PBX2: variants seen among roughly 807,000 people sequenced by gnomAD.
The protein encoded by PBX2 is pre-B-cell leukemia transcription factor 2.
PBX2 carries 10 observed loss-of-function variants against 46.5 expected under a neutral mutation model. That is an observed-to-expected ratio of 0.21 (90% confidence interval 0.13 to 0.36). The LOEUF (loss-of-function observed/expected upper bound fraction) is 0.36. Ranked by LOEUF, PBX2 falls within the 10% of genes least tolerant of loss-of-function variation. PBX2 has a pLI of 1.00. For synonymous variants in PBX2, 160 were observed against 222.5 expected (o/e 0.72, Z 2.50); for missense variants, 392 against 580.5 (o/e 0.68, Z 3.34).
rs755425237 is a variant in PBX2, at chr6:32,188,165, G to C, written c.544-9C>G. ...GTGAACTCATTACATGCCTGTAGTGGGGGCCAGTGGGCTGGTGAGGAGGAG... is the reference window on the plus strand; with the variant it reads ...GTGAACTCATTACATGCCTGTAGTGCGGGCCAGTGGGCTGGTGAGGAGGAG... On this transcript the variant is annotated splice_polypyrimidine_tract_variant and intron_variant, in intron 3 of 8. Coordinates refer to ENST00000375050, the MANE Select transcript of PBX2 (RefSeq NM_002586.5). The surrounding 1 kb of genome is among the most constrained non-coding windows in gnomAD (Gnocchi z 6.5). The C allele has an allele frequency of 7.5e-6, 12 of 1,596,848 alleles. No individual in the cohort carries two copies. The highest frequency in any genetic ancestry group is 9.4e-6 in the Non-Finnish European group (11 of 1,169,294).
Position 32,187,055 on chromosome 6 carries a change from C to T in PBX2, c.1025-154G>A. Reference sequence around the variant, plus strand: ...AAAGAGCAGGCTGTTCCTTGGCCACCCGTGGGAAGAAAGGCAGAACTAAGA... The same window carrying T: ...AAAGAGCAGGCTGTTCCTTGGCCACTCGTGGGAAGAAAGGCAGAACTAAGA... On this transcript the variant is annotated intron_variant, in intron 6 of 8. Transcript: ENST00000375050. This position sits in a 1 kb window ranked among gnomAD's most constrained non-coding sequence, Gnocchi z 7.7. The T allele has an allele frequency of 2.0e-6, 2 of 1,024,656 alleles. No individual in the cohort carries two copies. The highest frequency in any genetic ancestry group is 2.9e-6 in the Non-Finnish European group (2 of 695,370). The allele number at this position is 1,024,656 out of a possible 1,614,324, so 63.5% of individuals were successfully genotyped here.
Position 32,190,020 on chromosome 6 carries a change from C to G in PBX2, c.-105G>C, listed in dbSNP as rs1382904820. On this transcript the variant is annotated 5_prime_UTR_variant, in exon 1 of 9. Coordinates refer to ENST00000375050, the MANE Select transcript of PBX2 (RefSeq NM_002586.5). Reference sequence around the variant, plus strand: ...GGCCGCTGCTCCCTCCGCCCCAACCCCCGCCCGTCTGCCCCCGGCTCCCGG... The same window carrying G: ...GGCCGCTGCTCCCTCCGCCCCAACCGCCGCCCGTCTGCCCCCGGCTCCCGG... 2 of 533,816 alleles carry G rather than the reference C, an allele frequency of 3.7e-6. No individual in the cohort carries two copies. Among genetic ancestry groups the G allele is most frequent in the African/African-American group, 4.0e-5 (2 of 49,694 alleles). 33.1% of individuals were successfully genotyped at this position (533,816 alleles called of 1,614,324 possible). A position where few individuals can be genotyped will look rare whatever the true frequency, so the allele number is the denominator to read the frequency against.
Position 32,188,862 on chromosome 6 carries a change from G to C in PBX2, c.222-66C>G. On this transcript the variant is annotated intron_variant, in intron 1 of 8. Transcript: ENST00000375050. This position sits in a 1 kb window ranked among gnomAD's most constrained non-coding sequence, Gnocchi z 6.5. ...GCTAGAGAAACAGAGCAGGGGGCCT[G>C]AGAACAAGGAGGGAGGAGGGTCAGT... 1 of 1,394,544 alleles carries C rather than the reference G, an allele frequency of 7.2e-7. No homozygotes were observed. The highest frequency in any genetic ancestry group is 2.3e-5 in the East Asian group (1 of 43,600). The allele number at this position is 1,394,544 out of a possible 1,614,324, so 86.4% of individuals were successfully genotyped here.
In PBX2 at chr6:32,189,672, G is replaced by A. The variant is rs942042815; in HGVS notation, c.221+23C>T. 1.3e-6 allele frequency: 2 copies of A among 1,569,140 alleles called. No individual in the cohort carries two copies. Among genetic ancestry groups the A allele is most frequent in the African/African-American group, 2.7e-5 (2 of 73,338 alleles). ...AACGGGGTTTGCTGGGTCTGTGTGG[G>A]GTCCCGGAGTGGGGGCACTCACTTG... On this transcript the variant is annotated intron_variant, in intron 1 of 8. Coordinates refer to ENST00000375050, the MANE Select transcript of PBX2 (RefSeq NM_002586.5). This position sits in a 1 kb window ranked among gnomAD's most constrained non-coding sequence, Gnocchi z 4.7.
At position 32,185,609 on chromosome 6, in the gene PBX2, AACCACCACC is replaced by A. The variant is rs1178939142; in HGVS notation, c.*764_*772del. On this transcript the variant is annotated 3_prime_UTR_variant, in exon 9 of 9. Transcript: ENST00000375050. ...TCCCCAAACTAAATTAAAAATTAAG[AACCACCACC>A]ACCACCACCACCAACAACAACAAAA... 1 of 151,364 alleles carries A rather than the reference AACCACCACC, an allele frequency of 6.6e-6. No individual in the cohort carries two copies. The highest frequency in any genetic ancestry group is 2.4e-5 in the African/African-American group (1 of 41,018). The allele number at this position is 151,364 out of a possible 1,614,324, so 9.4% of individuals were successfully genotyped here.
rs758299777 is a variant in PBX2, at chr6:32,188,813, G to T, written c.222-17C>A. 1.1e-5 allele frequency: 17 copies of T among 1,611,426 alleles called. No individual in the cohort carries two copies. The Admixed American group carries it at 2.8e-4, about 27-fold the overall frequency. ...GCGTGTTTCCTTGGGAGGAGTGGGA[G>T]TGGGGAAAGAGAAAAGTTGAGGAGC... On this transcript the variant is annotated splice_polypyrimidine_tract_variant and intron_variant, in intron 1 of 8. Transcript: ENST00000375050. This position sits in a 1 kb window ranked among gnomAD's most constrained non-coding sequence, Gnocchi z 6.5.
chr6:32,188,093 C>T lies in PBX2; in HGVS notation c.607G>A (p.Val203Met), dbSNP rs1376323486. 4.4e-6 allele frequency: 7 copies of T among 1,594,982 alleles called. No individual in the cohort carries two copies. The highest frequency in any genetic ancestry group is 5.1e-6 in the Non-Finnish European group (6 of 1,168,406). Residue 203 changes from valine (V) to methionine (M), a missense_variant, in exon 4 of 9, where the codon GTG (valine) becomes ATG (methionine). Val to Met is a conservative substitution (Grantham distance 21). Around this residue, in one of 3 missense-constraint regions of PBX2, gnomAD observed 80 missense variants for 175.7 expected, o/e 0.46. Transcript: ENST00000375050. The surrounding 1 kb of genome is among the most constrained non-coding windows in gnomAD (Gnocchi z 6.5). ...ATGCGTTCCATCTCTTTGGGGGCCA[C>T]GGGCCTGGTGCGGCTCTGCTCCCTC... ...LLREQSRTRPVAPKEMERMVS... is the reference protein window; with the variant it reads ...LLREQSRTRPMAPKEMERMVS...
In PBX2 at chr6:32,186,937, C is replaced by T. The variant is rs752361272; in HGVS notation, c.1025-36G>A. 1.2e-5 allele frequency: 18 copies of T among 1,559,582 alleles called. No homozygotes were observed. The highest frequency in any genetic ancestry group is 2.1e-4 in the Middle Eastern group (1 of 4,688). On this transcript the variant is annotated intron_variant, in intron 6 of 8. Coordinates refer to ENST00000375050, the MANE Select transcript of PBX2 (RefSeq NM_002586.5). The surrounding 1 kb of genome is among the most constrained non-coding windows in gnomAD (Gnocchi z 4.2). ...CAGAGAGGGAAGAGTGTAATAGAGC[C>T]CGTGATGGTAGAGGATGAACCACAA...
In PBX2 at chr6:32,189,739, C is replaced by T. The variant is rs139352631; in HGVS notation, c.177G>A (p.Gln59=). 7.3e-5 allele frequency: 117 copies of T among 1,609,542 alleles called. No individual in the cohort carries two copies. The African/African-American group carries it at 1.4e-3, about 20-fold the overall frequency. ...GGCTCTGGTCGGTGATGGTCATTAT[C>T]TGCTGCAGAATGTCCCCGATGTCTT... The part of the protein sequence containing the change: ...GKQDIGDILQ[Q]IMTITDQSLD... Residue 59 remains glutamine (Q), a synonymous_variant, in exon 1 of 9, where the codon CAG becomes CAA. Transcript: ENST00000375050. This position sits in a 1 kb window ranked among gnomAD's most constrained non-coding sequence, Gnocchi z 4.7.
Position 32,189,658 on chromosome 6 carries a change from C to T in PBX2, c.221+37G>A. ...ATTCAGAACATGTGAACGGGGTTTG[C>T]TGGGTCTGTGTGGGGTCCCGGAGTG... is the stretch of plus-strand genomic sequence containing the variant. On this transcript the variant is annotated intron_variant, in intron 1 of 8. Transcript: ENST00000375050. This position sits in a 1 kb window ranked among gnomAD's most constrained non-coding sequence, Gnocchi z 4.7. 6.6e-7 allele frequency: 1 copy of T among 1,508,930 alleles called. No homozygotes were observed. Among genetic ancestry groups the T allele is most frequent in the Non-Finnish European group, 9.2e-7 (1 of 1,092,518 alleles). 93.5% of individuals were successfully genotyped at this position (1,508,930 alleles called of 1,614,324 possible).
Position 32,188,373 on chromosome 6 carries a change from C to G in PBX2, c.427G>C (p.Ala143Pro), listed in dbSNP as rs765558924. The G allele has an allele frequency of 6.2e-7, 1 of 1,613,886 alleles. No individual in the cohort carries two copies. The highest frequency in any genetic ancestry group is 1.3e-5 in the African/African-American group (1 of 74,924). Residue 143 changes from alanine to proline, a missense_variant, in exon 3 of 9, where the codon GCT (alanine) becomes CCT (proline). Physicochemically the swap from Ala to Pro is conservative, Grantham distance 27 (BLOSUM62 -1). Around this residue, in one of 3 missense-constraint regions of PBX2, gnomAD observed 196 missense variants for 246.9 expected, o/e 0.79. Transcript: ENST00000375050. The surrounding 1 kb of genome is among the most constrained non-coding windows in gnomAD (Gnocchi z 6.5). Reference sequence around the variant, plus strand: ...GACACACCACCACCAGAGGCTGCAGCGGCTGCAGCTGCTGCTGCTGAGCCG... The same window carrying G: ...GACACACCACCACCAGAGGCTGCAGGGGCTGCAGCTGCTGCTGCTGAGCCG... ...GGGSAAAAAA[A>P]AASGGGVSPD...
chr6:32,189,123 GAGAC>G lies in PBX2; in HGVS notation c.222-331_222-328del. ...TGACTTGGTAGGTTTCAGAGGGAGA[GAGAC>G]AGAGGCTGGGGTTGAGAAGAGTCAG... is the stretch of plus-strand genomic sequence containing the variant. On this transcript the variant is annotated intron_variant, in intron 1 of 8. Coordinates refer to ENST00000375050, the MANE Select transcript of PBX2 (RefSeq NM_002586.5). This position sits in a 1 kb window ranked among gnomAD's most constrained non-coding sequence, Gnocchi z 4.7. The G allele has an allele frequency of 2.2e-6, 1 of 465,090 alleles. No homozygotes were observed. The highest frequency in any genetic ancestry group is 3.9e-6 in the Non-Finnish European group (1 of 255,614). The allele number at this position is 465,090 out of a possible 1,614,324, so 28.8% of individuals were successfully genotyped here. A position where few individuals can be genotyped will look rare whatever the true frequency, so the allele number is the denominator to read the frequency against.
At position 32,186,116 on chromosome 6, in the gene PBX2, T is replaced by C. The variant is rs73729033; in HGVS notation, c.*266A>G. The C allele has an allele frequency of 4.5e-3, 2,386 of 528,572 alleles. 15 individuals carry two copies. The highest frequency in any genetic ancestry group is 0.013 in the African/African-American group (691 of 52,340). 32.7% of individuals were successfully genotyped at this position (528,572 alleles called of 1,614,324 possible). ...TCTGAGAAATAGGTTTCTCGGTATGTGTATGTTTCTGTGTAAGAAAGAAAG... is the reference window on the plus strand; with the variant it reads ...TCTGAGAAATAGGTTTCTCGGTATGCGTATGTTTCTGTGTAAGAAAGAAAG... On this transcript the variant is annotated 3_prime_UTR_variant, in exon 9 of 9. Transcript: ENST00000375050. This position sits in a 1 kb window ranked among gnomAD's most constrained non-coding sequence, Gnocchi z 4.2.
In PBX2 at chr6:32,185,502, C is replaced by G. The variant is rs1786997310; in HGVS notation, c.*880G>C. The G allele has an allele frequency of 1.3e-5, 2 of 148,236 alleles. No individual in the cohort carries two copies. Among genetic ancestry groups the G allele is most frequent in the African/African-American group, 5.0e-5 (2 of 39,930 alleles). 9.2% of individuals were successfully genotyped at this position (148,236 alleles called of 1,614,324 possible). On this transcript the variant is annotated 3_prime_UTR_variant, in exon 9 of 9. Coordinates refer to ENST00000375050, the MANE Select transcript of PBX2 (RefSeq NM_002586.5). Reference sequence around the variant, plus strand: ...CTCTTACCAGAACCCCTTTGGCTATCACCCCTAATATGGGAAAGTAAGAAA... The same window carrying G: ...CTCTTACCAGAACCCCTTTGGCTATGACCCCTAATATGGGAAAGTAAGAAA...
chr6:32,188,160 T>C lies in PBX2; in HGVS notation c.544-4A>G, dbSNP rs754207797. ...GGGTCGTGAACTCATTACATGCCTG[T>C]AGTGGGGGCCAGTGGGCTGGTGAGG... On this transcript the variant is annotated splice_region_variant and splice_polypyrimidine_tract_variant and intron_variant, in intron 3 of 8. Coordinates refer to ENST00000375050, the MANE Select transcript of PBX2 (RefSeq NM_002586.5). The surrounding 1 kb of genome is among the most constrained non-coding windows in gnomAD (Gnocchi z 6.5). 9 of 1,597,140 alleles carry C rather than the reference T, an allele frequency of 5.6e-6. No individual in the cohort carries two copies. The highest frequency in any genetic ancestry group is 6.8e-6 in the Non-Finnish European group (8 of 1,169,488).
At position 32,186,546 on chromosome 6, in the gene PBX2, GA is replaced by G; in HGVS notation, c.1200+57del. 1.9e-6 allele frequency: 3 copies of G among 1,566,544 alleles called. No homozygotes were observed. The highest frequency in any genetic ancestry group is 2.6e-6 in the Non-Finnish European group (3 of 1,136,804). On this transcript the variant is annotated intron_variant, in intron 8 of 8. Coordinates refer to ENST00000375050, the MANE Select transcript of PBX2 (RefSeq NM_002586.5). This position sits in a 1 kb window ranked among gnomAD's most constrained non-coding sequence, Gnocchi z 4.2. ...CCTGTGTGGGCACAACATTACTAGG[GA>G]AAATGCCCCTCTGTCCTGTGAGAAC...
Position 32,187,833 on chromosome 6 carries a change from G to T in PBX2, c.735-51C>A. On this transcript the variant is annotated intron_variant, in intron 4 of 8. Coordinates refer to ENST00000375050, the MANE Select transcript of PBX2 (RefSeq NM_002586.5). The surrounding 1 kb of genome is among the most constrained non-coding windows in gnomAD (Gnocchi z 7.7). ...AGGAGGATGTTGATGTCCTGGCAGG[G>T]CTGTCACATGGCATGACCCCAGAGT... is the stretch of plus-strand genomic sequence containing the variant. The T allele has an allele frequency of 6.2e-7, 1 of 1,600,258 alleles. No individual in the cohort carries two copies.
rs774851582 is a variant in PBX2 at position 32,189,079 on chromosome 6, G to T, written c.222-283C>A. 1.7e-5 allele frequency: 9 copies of T among 525,076 alleles called. No individual in the cohort carries two copies. The highest frequency in any genetic ancestry group is 3.1e-5 in the Admixed American group (1 of 31,992). 32.5% of individuals were successfully genotyped at this position (525,076 alleles called of 1,614,324 possible). On this transcript the variant is annotated intron_variant, in intron 1 of 8. Coordinates refer to ENST00000375050, the MANE Select transcript of PBX2 (RefSeq NM_002586.5). The surrounding 1 kb of genome is among the most constrained non-coding windows in gnomAD (Gnocchi z 4.7). The stretch of plus-strand genomic sequence containing the variant: ...GAAAGGTAGGAGGAGGAATCTGGGA[G>T]TGGATGGAGAAAGGAAAGTGACTTG...
In PBX2 at chr6:32,185,887, C is replaced by T. The variant is rs1787076851; in HGVS notation, c.*495G>A. On this transcript the variant is annotated 3_prime_UTR_variant, in exon 9 of 9. Coordinates refer to ENST00000375050, the MANE Select transcript of PBX2 (RefSeq NM_002586.5). ...GGTGGGGATGCATGGGGGCGTGGCCCATGTCCTCTGTCCAGAAGTCATGTC... is the reference window on the plus strand; with the variant it reads ...GGTGGGGATGCATGGGGGCGTGGCCTATGTCCTCTGTCCAGAAGTCATGTC... 1 of 157,304 alleles carries T rather than the reference C, an allele frequency of 6.4e-6. No individual in the cohort carries two copies. The highest frequency in any genetic ancestry group is 1.4e-5 in the Non-Finnish European group (1 of 71,162). The allele number at this position is 157,304 out of a possible 1,614,324, so 9.7% of individuals were successfully genotyped here. A position where few individuals can be genotyped will look rare whatever the true frequency, so the allele number is the denominator to read the frequency against.
Sources: allele counts gnomAD v4.1 joint callset, GRCh38; gene constraint gnomAD v4.1.1; regional missense constraint gnomAD v4.1.1; non-coding constraint Gnocchi (gnomAD v3.1); transcripts MANE v1.5; gene names NCBI Gene and HGNC (gene_info 2026-07-23, HGNC 2026-07-21).